The following HECW1 variants were observed in gnomAD, a reference collection of about 807,000 sequenced individuals.
HECW1 encodes the protein HECT, C2 and WW domain containing E3 ubiquitin protein ligase 1.
A neutral mutation model predicts 182.3 loss-of-function variants in HECW1; 61 were observed. The observed-to-expected ratio is 0.33, with a 90% CI of 0.27 to 0.41. The LOEUF (loss-of-function observed/expected upper bound fraction) is 0.41, where lower values mean the gene tolerates loss of function less well. Ranked by LOEUF, HECW1 falls within the 10% of genes least tolerant of loss-of-function variation. The probability of loss-of-function intolerance (pLI) is 1.00; values close to 1 mark genes in which losing one functional copy is unlikely to be tolerated. For missense variants in HECW1, 1,739 were observed against 2,108.9 expected, an observed-to-expected ratio of 0.82 and a Z score of 3.44; for synonymous variants, 859 against 832.6, an observed-to-expected ratio of 1.03 and a Z score of -0.55.
At chr7:43,388,298 C>T (rs1285279922) in intron 6 of HECW1, among the ~76,000 whole-genome samples, 4 of 152,212 alleles carry the variant, frequency 2.6e-5, no homozygotes, top group Non-Finnish European at 5.9e-5. Context: ...TTATGCAATA[C>T]AATAATGGCC....
At chr7:43,438,856 T>C (rs2076792125) in intron 9 of HECW1, 1 of 152,228 alleles carries the variant, frequency 6.6e-6, no homozygotes, top group African/African-American at 2.4e-5. Flanking sequence ...CATATACTTA[T>C]ATACAATGTA....
At chr7:43,422,378 T>C (rs1562958679) in intron 8 of HECW1, among the ~76,000 whole-genome samples, 1 of 150,884 alleles carries the variant, frequency 6.6e-6, no homozygotes, top group African/African-American at 2.4e-5. Context: ...GTTTTTTTTT[T>C]TTTTTGAGGA....
chr7:43,436,835 A>G (rs1452923828), intron 8 of HECW1, among the ~76,000 whole-genome samples: 1 of 152,124 alleles, frequency 6.6e-6, no homozygotes, highest in East Asian at 1.9e-4. Context: ...CACACCATAC[A>G]CTATTTAACA....
chr7:43,273,383 T>A (rs1264169438), intron 3 of HECW1, among the ~76,000 whole-genome samples: 1 of 152,018 alleles, frequency 6.6e-6, no homozygotes. Context: ...AGCAACATAA[T>A]GACAGATTAG....
intron 17 of HECW1, 35 bp downstream of exon 17, chr7:43,479,779 G>A (rs369959039): frequency 7.8e-5 from 126 of 1,611,558 alleles, no homozygotes; most frequent in Non-Finnish European, 9.8e-5. Context: ...ACTGTTCACC[G>A]GTCACAGTCT....
chr7:43,403,562 T>G (rs1317153529), intron 7 of HECW1, among the ~76,000 whole-genome samples: 1 of 152,164 alleles, frequency 6.6e-6, no homozygotes. Flanking sequence ...GGCAAAGAGC[T>G]TTTCTTTTAT....
chr7:43,276,699 G>A (rs976264769), intron 3 of HECW1, among the ~76,000 whole-genome samples: 2 of 152,138 alleles, frequency 1.3e-5, no homozygotes, highest in Non-Finnish European at 2.9e-5. Flanking sequence ...CACACTCCAG[G>A]TTTGAAACTA....
intron 13 of HECW1, among the ~76,000 whole-genome samples, chr7:43,459,413 T>G (rs1209337336): frequency 4.6e-5 from 7 of 152,178 alleles, no homozygotes; most frequent in African/African-American, 1.7e-4. Context: ...AATATAAATA[T>G]GTATTCTTAT....
At chr7:43,166,311 G>A (rs183242172) in intron 2 of HECW1, among the ~76,000 whole-genome samples, 66 of 152,272 alleles carry the variant, frequency 4.3e-4, no homozygotes, top group African/African-American at 1.4e-3. Flanking sequence ...ACGAACTCCT[G>A]ACCTCAGGTG....
chr7:43,476,027 C>T (rs573061284), intron 16 of HECW1, among the ~76,000 whole-genome samples: 92 of 152,134 alleles, frequency 6.0e-4, no homozygotes, highest in African/African-American at 2.0e-3. Flanking sequence ...TCTTATTTAA[C>T]GTTGTTCTAG....
At chr7:43,130,084 A>AT (rs371529063) in intron 2 of HECW1, among the ~76,000 whole-genome samples, 87 of 152,128 alleles carry the variant, frequency 5.7e-4, no homozygotes, top group Non-Finnish European at 1.1e-3. Context: ...CATAAATACA[A>AT]TTTTTTTTAA....
chr7:43,142,329 A>G (rs747634552), intron 2 of HECW1, among the ~76,000 whole-genome samples: 1 of 152,166 alleles, frequency 6.6e-6, no homozygotes, highest in Non-Finnish European at 1.5e-5. Context: ...GATAATTCTT[A>G]CTCGCACTCC....
At chr7:43,427,899 C>T (rs946394902) in intron 8 of HECW1, among the ~76,000 whole-genome samples, 2 of 152,132 alleles carry the variant, frequency 1.3e-5, no homozygotes, top group Non-Finnish European at 2.9e-5. Flanking sequence ...TCAGACAGGG[C>T]CCAGTGTTTT....
chr7:43,468,929 C>T lies in HECW1; in HGVS notation c.2923C>T (p.Arg975Ter). Reference protein sequence around the residue: ...TVLHANYSAYRVFTSSTCLKH... With the variant: ...TVLHANYSAY ...CCCTGACCTGTCTCAGAGTGCCTAC[C>T]GAGTCTTCACCAGTAGCACCTGCTT... The change falls in exon 16 of 30, where the codon CGA becomes TGA. Residue 975 changes from arginine (R) to a stop codon, truncating the protein, a stop_gained. Transcript: ENST00000395891. LOFTEE classifies it high-confidence loss of function. 1.2e-6 allele frequency: 2 copies of T among 1,614,066 alleles called. No individual in the cohort carries two copies. Among genetic ancestry groups the T allele is most frequent in the Non-Finnish European group, 1.7e-6 (2 of 1,179,998 alleles).
At chr7:43,501,183 CTTTTT>C (rs567367189) in intron 20 of HECW1, 25 bp from the exon 21 acceptor site, 2,193 of 742,412 alleles carry the variant, frequency 3.0e-3, no homozygotes, top group Middle Eastern at 5.5e-3. Context: ...TCTTTTCTTT[CTTTTT>C]TTTTTTTTTT....
intron 3 of HECW1, among the ~76,000 whole-genome samples, chr7:43,261,021 T>G (rs1013605678): frequency 5.3e-5 from 8 of 152,188 alleles, no homozygotes; most frequent in Admixed American, 1.3e-4. Context: ...ATTAATTAAC[T>G]TGCCCAAAGC....
chr7:43,433,486 C>T (rs937345086), intron 8 of HECW1, among the ~76,000 whole-genome samples: 2 of 152,174 alleles, frequency 1.3e-5, no homozygotes, highest in Admixed American at 1.3e-4. Flanking sequence ...GGCTAAGACC[C>T]ACTGGTCAAA....
At chr7:43,154,960 C>A (rs770097055) in intron 2 of HECW1, among the ~76,000 whole-genome samples, 2 of 152,156 alleles carry the variant, frequency 1.3e-5, no homozygotes, top group Admixed American at 6.5e-5. Flanking sequence ...CCCAGGTGCT[C>A]CTCCCCAATC....
rs145244481 is a variant in HECW1, at chr7:43,366,610, A to G, written c.555+5630A>G. 2.9e-3 allele frequency among the ~76,000 whole-genome samples: 448 copies of G among 152,314 alleles called. 3 individuals carry two copies. Among genetic ancestry groups the G allele is most frequent in the Non-Finnish European group, 4.1e-3 (282 of 68,012 alleles). On this transcript the variant is annotated intron_variant, in intron 6 of 29. Transcript: ENST00000395891. Reference sequence around the variant, plus strand: ...AGCCAATTAATTTGGAAGACACCTCAACTTTATAATAAATGGTCTTGAGCC... The same window carrying G: ...AGCCAATTAATTTGGAAGACACCTCGACTTTATAATAAATGGTCTTGAGCC...
Sources: allele counts gnomAD v4.1 joint callset (sites outside exome capture counted in the v4.1 genomes callset), GRCh38; gene constraint gnomAD v4.1.1; transcripts MANE v1.5; gene names NCBI Gene and HGNC (gene_info 2026-07-23, HGNC 2026-07-21).